PPM1H: variants seen among roughly 807,000 people sequenced by gnomAD.
PPM1H encodes protein phosphatase 1H.
Under a neutral mutation model 54.9 loss-of-function variants are expected in PPM1H, and 27 were observed. The observed-to-expected ratio is 0.49, with a 90% CI of 0.36 to 0.68. PPM1H has a LOEUF of 0.68. Ranked by LOEUF, PPM1H falls within the 30% of genes least tolerant of loss-of-function variation. The pLI is 0.00. For synonymous variants in PPM1H, 305 were observed against 270.8 expected (o/e 1.13, Z -1.24); for missense variants, 596 against 667.8 (o/e 0.89, Z 1.19).
At chr12:62,815,049 GAGA>G (rs1438199392) in intron 2 of PPM1H, among the ~76,000 whole-genome samples, 1 of 152,322 alleles carries the variant, frequency 6.6e-6, no homozygotes, top group African/African-American at 2.4e-5. Context: ...CAGTGAAAGG[GAGA>G]AGAATAAGCC....
intron 1 of PPM1H, among the ~76,000 whole-genome samples, chr12:62,931,590 C>T (rs772712575): frequency 6.6e-6 from 1 of 152,086 alleles, no homozygotes; most frequent in Admixed American, 6.6e-5. Context: ...TTCCTGGGTA[C>T]AGATGAATAC....
intron 4 of PPM1H, among the ~76,000 whole-genome samples, chr12:62,768,892 T>C (rs765789284): frequency 6.6e-6 from 1 of 152,186 alleles, no homozygotes; most frequent in Non-Finnish European, 1.5e-5. Context: ...TACCAAATGA[T>C]AAAAGACAAG....
chr12:62,652,133 A>G (rs901311774), intron 9 of PPM1H, among the ~76,000 whole-genome samples: 3 of 152,208 alleles, frequency 2.0e-5, no homozygotes, highest in Admixed American at 2.0e-4. Context: ...GCAAGAAATC[A>G]TAGTGTTTTT....
chr12:62,921,628 CTT>C (rs996328924), intron 1 of PPM1H, among the ~76,000 whole-genome samples: 1 of 152,196 alleles, frequency 6.6e-6, no homozygotes, highest in African/African-American at 2.4e-5. Flanking sequence ...CCCATTAAAA[CTT>C]GACTCTGAAG....
At chr12:62,870,684 T>C (rs1007104874) in intron 1 of PPM1H, among the ~76,000 whole-genome samples, 12 of 152,178 alleles carry the variant, frequency 7.9e-5, no homozygotes, top group Non-Finnish European at 1.6e-4. Flanking sequence ...GGATGACAGG[T>C]TTGTTCTTAG....
At chr12:62,816,079 T>C (rs1228396569) in intron 2 of PPM1H, among the ~76,000 whole-genome samples, 2 of 152,202 alleles carry the variant, frequency 1.3e-5, no homozygotes, top group East Asian at 1.9e-4. Context: ...AAATTATACA[T>C]GTCAACATTA....
At chr12:62,930,952 A>G (rs1341979349) in intron 1 of PPM1H, among the ~76,000 whole-genome samples, 3 of 152,224 alleles carry the variant, frequency 2.0e-5, no homozygotes, top group African/African-American at 7.2e-5. Flanking sequence ...CATCTAGGAC[A>G]ATGCCAATGA....
intron 4 of PPM1H, among the ~76,000 whole-genome samples, chr12:62,742,836 C>T (rs1198880699): frequency 6.6e-6 from 1 of 152,076 alleles, no homozygotes; most frequent in Non-Finnish European, 1.5e-5. Flanking sequence ...CACCTCCCAC[C>T]CAATAACCAT....
At chr12:62,800,143 AT>A (rs1008192405) in intron 3 of PPM1H, among the ~76,000 whole-genome samples, 3 of 152,190 alleles carry the variant, frequency 2.0e-5, no homozygotes, top group Non-Finnish European at 4.4e-5. Flanking sequence ...TATATGAACT[AT>A]TTTTGCCTTA....
intron 1 of PPM1H, among the ~76,000 whole-genome samples, chr12:62,852,248 A>G (rs1006003761): frequency 2.7e-5 from 4 of 150,364 alleles, no homozygotes; most frequent in Non-Finnish European, 4.4e-5. Context: ...AAAAAAAAAA[A>G]AAAGAGATGG....
At chr12:62,703,725 CCA>C (rs2076157090) in intron 6 of PPM1H, among the ~76,000 whole-genome samples, 1 of 152,124 alleles carries the variant, frequency 6.6e-6, no homozygotes, top group Non-Finnish European at 1.5e-5. Context: ...ATTCTGGAAT[CCA>C]CAGAGGCTCT....
intron 1 of PPM1H, among the ~76,000 whole-genome samples, chr12:62,892,013 G>T (rs886926562): frequency 3.3e-5 from 5 of 152,204 alleles, no homozygotes; most frequent in Non-Finnish European, 7.4e-5. Context: ...TTAACTTATG[G>T]CTACAACTTT....
chr12:62,893,629 G>T (rs1047457771), intron 1 of PPM1H, among the ~76,000 whole-genome samples: 1 of 151,870 alleles, frequency 6.6e-6, no homozygotes, highest in East Asian at 1.9e-4. Context: ...GCTAATATGT[G>T]TGTGTGCGGG....
At chr12:62,746,030 A>C (rs1321920187) in intron 4 of PPM1H, among the ~76,000 whole-genome samples, 1 of 151,984 alleles carries the variant, frequency 6.6e-6, no homozygotes, top group African/African-American at 2.4e-5. Context: ...TCGTCTCTAC[A>C]AAAAAATAGA....
At position 62,689,701 on chromosome 12, in the gene PPM1H, C is replaced by G. The variant is rs773635039; in HGVS notation, c.1243G>C (p.Glu415Gln). The change falls in exon 8 of 10, where the codon GAG becomes CAG. Residue 415 changes from glutamate (E) to glutamine (Q), a missense_variant and splice_region_variant. Glu to Gln is a conservative substitution (Grantham distance 29). Transcript: ENST00000228705. ...TAAACAAAAACCTCATGCGGTACCT[C>G]TGGAGCTGAAGACAGGAATGGTTTA... ...YIKPFLSSAP[E>Q]VRIYDLSKYD... The G allele has an allele frequency of 2.5e-6, 4 of 1,612,198 alleles. No homozygotes were observed. Among genetic ancestry groups the G allele is most frequent in the Non-Finnish European group, 3.4e-6 (4 of 1,178,632 alleles).
At chr12:62,697,792 C>T (rs2076122457) in intron 6 of PPM1H, among the ~76,000 whole-genome samples, 1 of 152,114 alleles carries the variant, frequency 6.6e-6, no homozygotes, top group South Asian at 2.1e-4. Context: ...GCGCCCCAAA[C>T]AAATCACTCG....
intron 7 of PPM1H, among the ~76,000 whole-genome samples, chr12:62,691,705 C>A (rs1429258764): frequency 6.6e-6 from 1 of 151,870 alleles, no homozygotes; most frequent in Non-Finnish European, 1.5e-5. Flanking sequence ...CGCCTGTAGT[C>A]CCAGCTACTC....
chr12:62,721,526 C>T (rs1170901616), intron 5 of PPM1H, among the ~76,000 whole-genome samples: 1 of 152,066 alleles, frequency 6.6e-6, no homozygotes, highest in East Asian at 1.9e-4. Flanking sequence ...CTTTGAGGGG[C>T]TCTGAAAATT....
chr12:62,729,700 T>C (rs1490455693), intron 5 of PPM1H, among the ~76,000 whole-genome samples: 3 of 152,228 alleles, frequency 2.0e-5, no homozygotes, highest in Admixed American at 1.3e-4. Flanking sequence ...CCTGTTTCTG[T>C]GCTTCATCTG....
Sources: allele counts gnomAD v4.1 joint callset (sites outside exome capture counted in the v4.1 genomes callset), GRCh38; gene constraint gnomAD v4.1.1; transcripts MANE v1.5; gene names NCBI Gene and HGNC (gene_info 2026-07-23, HGNC 2026-07-21).